LDHD: variants seen among roughly 807,000 people sequenced by gnomAD.
The protein encoded by LDHD is lactate dehydrogenase D, also known as D-lactate dehydrogenase, mitochondrial.
A neutral mutation model predicts 52.9 loss-of-function variants in LDHD; 58 were observed. The observed-to-expected ratio is 1.10, with a 90% confidence interval of 0.89 to 1.36. LDHD has a LOEUF of 1.36. Among genes scored for constraint, LDHD ranks in the 40% most tolerant of loss-of-function variants. The pLI is 0.00. For missense variants in LDHD, 747 were observed against 668.0 expected (o/e 1.12, Z -1.30); for synonymous variants, 350 against 288.6 (o/e 1.21, Z -2.16).
In LDHD at chr16:75,112,024, G is replaced by A. The variant is rs549310178; in HGVS notation, c.*332C>T. ...TGGGACCCCGGCAGTGGGAGGCCTCGGGGAGGGGTGTCATCAGAGTCTTGA... is the reference window on the plus strand; with the variant it reads ...TGGGACCCCGGCAGTGGGAGGCCTCAGGGAGGGGTGTCATCAGAGTCTTGA... On this transcript the variant is annotated 3_prime_UTR_variant, in exon 11 of 11. Transcript: ENST00000450168. The A allele has an allele frequency of 3.8e-5, 10 of 263,846 alleles. No individual in the cohort carries two copies. The highest frequency in any genetic ancestry group is 3.4e-4 in the South Asian group (3 of 8,928). 16.3% of individuals were successfully genotyped at this position (263,846 alleles called of 1,614,324 possible).
In LDHD at chr16:75,112,223, C is replaced by T. The variant is rs1428642736; in HGVS notation, c.*133G>A. 2 of 1,105,330 alleles carry T rather than the reference C, an allele frequency of 1.8e-6. No homozygotes were observed. The highest frequency in any genetic ancestry group is 2.5e-5 in the East Asian group (1 of 40,598). 68.5% of individuals were successfully genotyped at this position (1,105,330 alleles called of 1,614,324 possible). ...TCTCTCTGGGCCCTCTGGCCTTGGG[C>T]CCAGATACAGTGGGCTCGCTGGCAG... On this transcript the variant is annotated 3_prime_UTR_variant, in exon 11 of 11. Coordinates refer to ENST00000450168, the MANE Select transcript of LDHD (RefSeq NM_194436.3).
chr16:75,112,170 G>T lies in LDHD; in HGVS notation c.*186C>A. 5 of 690,386 alleles carry T rather than the reference G, an allele frequency of 7.2e-6. No individual in the cohort carries two copies. Among genetic ancestry groups the T allele is most frequent in the Non-Finnish European group, 1.2e-5 (5 of 424,368 alleles). The allele number at this position is 690,386 out of a possible 1,614,324, so 42.8% of individuals were successfully genotyped here. A position where few individuals can be genotyped will look rare whatever the true frequency, so the allele number is the denominator to read the frequency against. Reference sequence around the variant, plus strand: ...AAAGGCTCCTGGGGCCAGCCAGAGGGCCAGGGAGGTAACACGGTGCTCAGG... The same window carrying T: ...AAAGGCTCCTGGGGCCAGCCAGAGGTCCAGGGAGGTAACACGGTGCTCAGG... On this transcript the variant is annotated 3_prime_UTR_variant, in exon 11 of 11. Transcript: ENST00000450168.
In LDHD at chr16:75,115,319, A is replaced by G. The variant is rs1035398551; in HGVS notation, c.206T>C (p.Val69Ala). The change falls in exon 3 of 11, where the codon GTG (valine) becomes GCG (alanine). Residue 69 changes from valine (V) to alanine (A), a missense_variant. By Grantham distance (64) the Val-to-Ala change is moderately conservative. Coordinates refer to ENST00000450168, the MANE Select transcript of LDHD (RefSeq NM_194436.3). ...CTGCTCCACGTTCTGGGGCCACACC[A>G]CAGCATCAGGAGGTTCGCACCTAGA... ...SVHRCEPPDA[V>A]VWPQNVEQVS... 2.5e-6 allele frequency: 4 copies of G among 1,613,488 alleles called. No homozygotes were observed. The highest frequency in any genetic ancestry group is 2.2e-5 in the East Asian group (1 of 44,886).
In LDHD at chr16:75,115,382, C is replaced by T. The variant is rs766025377; in HGVS notation, c.186-43G>A. The T allele has an allele frequency of 3.7e-6, 6 of 1,610,210 alleles. No individual in the cohort carries two copies. The South Asian group carries it at 5.5e-5, about 15-fold the overall frequency. On this transcript the variant is annotated intron_variant, in intron 2 of 10. Coordinates refer to ENST00000450168, the MANE Select transcript of LDHD (RefSeq NM_194436.3). Reference sequence around the variant, plus strand: ...GCGATTTAGCGGGGCGTGACACCCTCTGGTCCCGAGGTGTTGCAGGGCCTG... The same window carrying T: ...GCGATTTAGCGGGGCGTGACACCCTTTGGTCCCGAGGTGTTGCAGGGCCTG...
chr16:75,116,214 G>A (rs892371399), intron 1 of LDHD, among the ~76,000 whole-genome samples: 1 of 152,320 alleles, frequency 6.6e-6, no homozygotes, highest in East Asian at 1.9e-4. Context: ...GGGAATTAGG[G>A]GGAGGAAAAG....
chr16:75,112,384 C>A lies in LDHD; in HGVS notation c.1427G>T (p.Gly476Val). 6.2e-7 allele frequency: 1 copy of A among 1,613,254 alleles called. No homozygotes were observed. Among genetic ancestry groups the A allele is most frequent in the East Asian group, 2.2e-5 (1 of 44,874 alleles). ...CAGCACTTTGCCTGGATTCATGAGGCCTTGGGGGTCTAGCACGGCCTTGAG... is the reference window on the plus strand; with the variant it reads ...CAGCACTTTGCCTGGATTCATGAGGACTTGGGGGTCTAGCACGGCCTTGAG... Reference protein sequence around the residue: ...RQLKAVLDPQGLMNPGKVL With the variant: ...RQLKAVLDPQVLMNPGKVL Residue 476 changes from glycine to valine, a missense_variant, in exon 11 of 11, where the codon GGC becomes GTC. Gly to Val is a moderately radical substitution (Grantham distance 109, BLOSUM62 -3). Transcript: ENST00000450168.
At position 75,114,423 on chromosome 16, in the gene LDHD, C is replaced by T; in HGVS notation, c.629+103G>A. ...GCCTGAGGAAGCCTAGCCTGCCAAA[C>T]CAGGGGGCCGCCAGGAGGTGCTTTT... is the stretch of plus-strand genomic sequence containing the variant. On this transcript the variant is annotated intron_variant, in intron 5 of 10. Transcript: ENST00000450168. The T allele has an allele frequency of 2.9e-6, 4 of 1,382,210 alleles. No individual in the cohort carries two copies. In the South Asian group the frequency reaches 5.9e-5, roughly 20 times the overall value. The allele number at this position is 1,382,210 out of a possible 1,614,324, so 85.6% of individuals were successfully genotyped here. A position where few individuals can be genotyped will look rare whatever the true frequency, so the allele number is the denominator to read the frequency against.
Position 75,114,549 on chromosome 16 carries a change from C to G in LDHD, c.606G>C (p.Thr202=), listed in dbSNP as rs1467345845. 32 of 1,529,594 alleles carry G rather than the reference C, an allele frequency of 2.1e-5. No homozygotes were observed. Among genetic ancestry groups the G allele is most frequent in the Admixed American group, 7.9e-5 (4 of 50,576 alleles). The allele number at this position is 1,529,594 out of a possible 1,614,324, so 94.8% of individuals were successfully genotyped here. The part of the protein sequence containing the change: ...VVLPDGRLLH[T]AGRGRHFRKS... ...ACCGGAAATGCCGGCCTCGGCCCGC[C>G]GTGTGCAGCAGCCGCCCGTCGGGCA... Residue 202 remains threonine, a synonymous_variant, in exon 5 of 11, where the codon ACG becomes ACC. Coordinates refer to ENST00000450168, the MANE Select transcript of LDHD (RefSeq NM_194436.3).
intron 8 of LDHD, among the ~76,000 whole-genome samples, chr16:75,113,156 C>T (rs1407164217): frequency 6.6e-6 from 1 of 152,208 alleles, no homozygotes; most frequent in Non-Finnish European, 1.5e-5. Context: ...CCCCCAAGCC[C>T]CAGGCTGCTG....
Position 75,114,072 on chromosome 16 carries a change from A to AG in LDHD, c.722dup (p.Ala242CysfsTer3), listed in dbSNP as rs1428443243. ...TGGCGGCCACTGTGGCCTCAGGGGCAGGGTGCAGGCGCAGGGTGGTGGCTG... is the reference window on the plus strand; with the variant it reads ...TGGCGGCCACTGTGGCCTCAGGGGCAGGGGTGCAGGCGCAGGGTGGTGGCTG... On this transcript the variant is annotated frameshift_variant, in exon 6 of 11. Transcript: ENST00000450168. LOFTEE classifies it high-confidence loss of function. 1 of 1,611,194 alleles carries AG rather than the reference A, an allele frequency of 6.2e-7. No individual in the cohort carries two copies. Among genetic ancestry groups the AG allele is most frequent in the African/African-American group, 1.3e-5 (1 of 74,934 alleles).
Position 75,115,291 on chromosome 16 carries a change from G to T in LDHD, c.234C>A (p.Val78=). The T allele has an allele frequency of 6.2e-7, 1 of 1,613,618 alleles. No homozygotes were observed. The highest frequency in any genetic ancestry group is 8.5e-7 in the Non-Finnish European group (1 of 1,180,018). The change falls in exon 3 of 11, where the codon GTC becomes GTA. Residue 78 remains valine, a synonymous_variant. Transcript: ENST00000450168. ...AVVWPQNVEQ[V]SRLAALCYRQ... ...GATAGCACAGGGCTGCCAGCCGGCTGACCTGCTCCACGTTCTGGGGCCACA... is the reference window on the plus strand; with the variant it reads ...GATAGCACAGGGCTGCCAGCCGGCTTACCTGCTCCACGTTCTGGGGCCACA...
At chr16:75,114,741 C>G in intron 4 of LDHD, 56 bp from the exon 5 acceptor site, 1 of 1,560,188 alleles carries the variant, frequency 6.4e-7, no homozygotes, top group Non-Finnish European at 8.7e-7. Context: ...TTCCCTCGGG[C>G]TGGGGGAGGA....
In LDHD at chr16:75,112,350, C is replaced by T; in HGVS notation, c.*6G>A. On this transcript the variant is annotated 3_prime_UTR_variant, in exon 11 of 11. Coordinates refer to ENST00000450168, the MANE Select transcript of LDHD (RefSeq NM_194436.3). ...GGAACTTGTGGGCTAAGTGCTCAGA[C>T]CCCCTTCACAGCACTTTGCCTGGAT... The T allele has an allele frequency of 6.2e-7, 1 of 1,604,684 alleles. No homozygotes were observed. Among genetic ancestry groups the T allele is most frequent in the South Asian group, 1.1e-5 (1 of 90,694 alleles).
intron 8 of LDHD, among the ~76,000 whole-genome samples, 165 bp downstream of exon 8, chr16:75,113,370 C>G (rs1171462892): frequency 6.6e-6 from 1 of 152,228 alleles, no homozygotes; most frequent in Non-Finnish European, 1.5e-5. Flanking sequence ...GGTATCTGAA[C>G]AGCTGGGTGG....
In LDHD at chr16:75,114,146, T is replaced by G. The variant is rs201230687; in HGVS notation, c.649A>C (p.Asn217His). 6.2e-7 allele frequency: 1 copy of G among 1,612,712 alleles called. No individual in the cohort carries two copies. Among genetic ancestry groups the G allele is most frequent in the East Asian group, 2.2e-5 (1 of 44,854 alleles). ...RHFRKSAAGY[N>H]LTGLFVGSEG... ...GAGCCCACGAAGAGCCCCGTGAGGT[T>G]GTAGCCGGCTGCACTCTTCCTACGT... The change falls in exon 6 of 11, where the codon AAC (asparagine) becomes CAC (histidine). Residue 217 changes from asparagine to histidine, a missense_variant. Asn to His is a moderately conservative substitution (Grantham distance 68). Coordinates refer to ENST00000450168, the MANE Select transcript of LDHD (RefSeq NM_194436.3).
intron 8 of LDHD, 64 bp from the exon 9 acceptor site, chr16:75,112,988 A>C: frequency 7.9e-7 from 1 of 1,264,650 alleles, no homozygotes. Context: ...ACCGTGGTCA[A>C]GGCTGAGGAT....
At chr16:75,113,017 C>T (rs2036443776) in intron 8 of LDHD, 93 bp from the exon 9 acceptor site, 1 of 859,724 alleles carries the variant, frequency 1.2e-6, no homozygotes, top group Non-Finnish European at 1.9e-6. Context: ...GGGCACTGGG[C>T]TTCAGCTCTT....
chr16:75,114,099 G>A lies in LDHD; in HGVS notation c.696C>T (p.Ile232=). The A allele has an allele frequency of 6.2e-7, 1 of 1,612,184 alleles. No individual in the cohort carries two copies. The highest frequency in any genetic ancestry group is 8.5e-7 in the Non-Finnish European group (1 of 1,179,968). ...GGTGCAGGCGCAGGGTGGTGGCTGT[G>A]ATGAGGCCCAGCGTCCCCTCGGAGC... ...FVGSEGTLGL[I]TATTLRLHPA... is the part of the protein sequence containing the mutation. The change falls in exon 6 of 11, where the codon ATC becomes ATT. Residue 232 remains isoleucine, a synonymous_variant. Coordinates refer to ENST00000450168, the MANE Select transcript of LDHD (RefSeq NM_194436.3).
intron 5 of LDHD, 121 bp from the exon 6 acceptor site, chr16:75,114,286 C>G: frequency 3.9e-6 from 6 of 1,535,278 alleles, no homozygotes; most frequent in Non-Finnish European, 2.6e-6. Context: ...TGGCCTCCCT[C>G]GGGCCCAGTT....
Sources: gnomAD v4.1 joint callset for allele counts (sites outside exome capture counted in the v4.1 genomes callset) on GRCh38, gnomAD v4.1.1 for gene constraint, MANE v1.5 for transcripts, NCBI Gene and HGNC (gene_info 2026-07-23, HGNC 2026-07-21) for gene names.